The following DQX1 variants were observed in gnomAD, a reference collection of about 807,000 sequenced individuals.
DQX1 encodes the protein DEAQ-box RNA dependent ATPase 1.
A neutral mutation model predicts 81.3 loss-of-function variants in DQX1; 66 were observed. That is an observed-to-expected ratio of 0.81 (90% CI 0.67 to 1.00). The LOEUF is 1.00. DQX1 is among the 50% of genes least tolerant of loss of function. DQX1 has a pLI of 0.00. For missense variants in DQX1, 798 were observed against 867.9 expected, an observed-to-expected ratio of 0.92 and a Z score of 1.01; for synonymous variants, 290 against 350.0, an observed-to-expected ratio of 0.83 and a Z score of 1.91.
In DQX1 at chr2:74,522,633, G is replaced by A. The variant is rs761600823; in HGVS notation, c.1442C>T (p.Ser481Leu). The A allele has an allele frequency of 3.1e-6, 5 of 1,614,226 alleles. No individual in the cohort carries two copies. Among genetic ancestry groups the A allele is most frequent in the Non-Finnish European group, 4.2e-6 (5 of 1,180,032 alleles). Residue 481 changes from serine to leucine, a missense_variant, in exon 8 of 12, where the codon TCA becomes TTA. Coordinates refer to ENST00000404568, the MANE Select transcript of DQX1 (RefSeq NM_133637.3). ...APELAKALLA[S>L]CEFDCVDEML... ...CTCGTCCACACAGTCAAACTCGCATGAGGCCAGCAGGGCTTTGGCCAGCTC... is the reference window on the plus strand; with the variant it reads ...CTCGTCCACACAGTCAAACTCGCATAAGGCCAGCAGGGCTTTGGCCAGCTC...
At chr2:74,522,127 G>A (rs1572984771) in intron 8 of DQX1, among the ~76,000 whole-genome samples, 1 of 152,120 alleles carries the variant, frequency 6.6e-6, no homozygotes, top group South Asian at 2.1e-4. Flanking sequence ...AAGGTGGAGC[G>A]GTCAGCAATC....
intron 4 of DQX1, 111 bp downstream of exon 4, chr2:74,523,812 T>G: frequency 7.1e-7 from 1 of 1,402,084 alleles, no homozygotes; most frequent in Non-Finnish European, 9.4e-7. Context: ...CTACTGTTCC[T>G]AAGAGGCATT....
Position 74,518,567 on chromosome 2 carries a change from T to C in DQX1, c.2033A>G (p.Asn678Ser), listed in dbSNP as rs756397137. Residue 678 changes from asparagine to serine, a missense_variant, in exon 12 of 12, where the codon AAC (asparagine) becomes AGC (serine). Coordinates refer to ENST00000404568, the MANE Select transcript of DQX1 (RefSeq NM_133637.3). ...GTCTCTGCTCTCACTGGGAGGCAAG[T>C]TACTCAGGAAGTATGGAGGGGCCAA... ...VELAPPYFLS[N>S]LPPSESRDLL... 13 of 1,614,058 alleles carry C rather than the reference T, an allele frequency of 8.1e-6. No individual in the cohort carries two copies. The highest frequency in any genetic ancestry group is 1.3e-5 in the African/African-American group (1 of 74,924).
chr2:74,523,969 C>T lies in DQX1; in HGVS notation c.770G>A (p.Arg257Gln), dbSNP rs772429881. 123 of 1,608,548 alleles carry T rather than the reference C, an allele frequency of 7.6e-5. No homozygotes were observed. The highest frequency in any genetic ancestry group is 9.9e-5 in the Non-Finnish European group (116 of 1,175,502). ...TAGCACATCTCCTGGAAGCTCCTTCCGACACAATTCAAGCACTGCTTGGCA... is the reference window on the plus strand; with the variant it reads ...TAGCACATCTCCTGGAAGCTCCTTCTGACACAATTCAAGCACTGCTTGGCA... ...AACQAVLELCRKELPGDVLVF... is the reference protein window; with the variant it reads ...AACQAVLELCQKELPGDVLVF... Residue 257 changes from arginine (R) to glutamine (Q), a missense_variant, in exon 4 of 12, where the codon CGG (arginine) becomes CAG (glutamine). By Grantham distance (43) the Arg-to-Gln change is conservative (BLOSUM62 1). Transcript: ENST00000404568.
rs1572982845 is a variant in DQX1 at position 74,518,613 on chromosome 2, G to A, written c.1998-11C>T. On this transcript the variant is annotated splice_polypyrimidine_tract_variant and intron_variant, in intron 11 of 11. Coordinates refer to ENST00000404568, the MANE Select transcript of DQX1 (RefSeq NM_133637.3). ...GCCAATTCCACCAGCCTAATAGAGA[G>A]AGTCATAATTAGATGATCTGCATCT... 1 of 1,613,412 alleles carries A rather than the reference G, an allele frequency of 6.2e-7. No individual in the cohort carries two copies. The highest frequency in any genetic ancestry group is 8.5e-7 in the Non-Finnish European group (1 of 1,179,472).
In DQX1 at chr2:74,523,232, CCCAA is replaced by C; in HGVS notation, c.1045-18_1045-15del. On this transcript the variant is annotated splice_polypyrimidine_tract_variant and intron_variant, in intron 5 of 11. Transcript: ENST00000404568. ...AGGATTGTAAACCTGTTGCCCGTCC[CCCAA>C]CCAAGGCCAAGACAGATCAGAGTGG... 6.2e-7 allele frequency: 1 copy of C among 1,614,198 alleles called. No individual in the cohort carries two copies. Among genetic ancestry groups the C allele is most frequent in the Non-Finnish European group, 8.5e-7 (1 of 1,180,040 alleles).
rs755981288 is a variant in DQX1 at position 74,522,654 on chromosome 2, A to C, written c.1421T>G (p.Leu474Arg). 37 of 1,614,238 alleles carry C rather than the reference A, an allele frequency of 2.3e-5. No individual in the cohort carries two copies. The highest frequency in any genetic ancestry group is 2.5e-5 in the Non-Finnish European group (30 of 1,180,024). Reference protein sequence around the residue: ...ILSEFPLAPELAKALLASCEF... With the variant: ...ILSEFPLAPERAKALLASCEF... ...GCATGAGGCCAGCAGGGCTTTGGCC[A>C]GCTCAGGGGCCAGAGGGAATTCTGA... Residue 474 changes from leucine (L) to arginine (R), a missense_variant, in exon 8 of 12, where the codon CTG (leucine) becomes CGG (arginine). Transcript: ENST00000404568.
At chr2:74,521,610 A>G (rs1169639462) in intron 8 of DQX1, among the ~76,000 whole-genome samples, 1 of 151,264 alleles carries the variant, frequency 6.6e-6, no homozygotes, top group African/African-American at 2.4e-5. Flanking sequence ...AGATCATGCC[A>G]TTGCACTCCA....
rs779124021 is a variant in DQX1 at position 74,519,991 on chromosome 2, A to G, written c.1539T>C (p.Ala513=). 3.1e-6 allele frequency: 5 copies of G among 1,614,066 alleles called. No individual in the cohort carries two copies. The highest frequency in any genetic ancestry group is 2.7e-5 in the African/African-American group (2 of 74,950). The change falls in exon 9 of 12, where the codon GCT becomes GCC. Residue 513 remains alanine (A), a synonymous_variant. Coordinates refer to ENST00000404568, the MANE Select transcript of DQX1 (RefSeq NM_133637.3). Reference sequence around the variant, plus strand: ...TGTGTTCCAGGGCCCGACGCAGGGCAGCTTCTTCTGCACTGAGTGGAGGAC... The same window carrying G: ...TGTGTTCCAGGGCCCGACGCAGGGCGGCTTCTTCTGCACTGAGTGGAGGAC... ...FTRPPLSAEE[A]ALRRALEHTD... is the part of the protein sequence containing the mutation.
chr2:74,519,318 A>C lies in DQX1; in HGVS notation c.1807-88T>G. On this transcript the variant is annotated intron_variant, in intron 10 of 11. Coordinates refer to ENST00000404568, the MANE Select transcript of DQX1 (RefSeq NM_133637.3). ...AATAAAAGGGGATTGAGAAAGAGTA[A>C]GGGTGATGAGAGCATGAAAAGTAAA... 5.6e-6 allele frequency: 8 copies of C among 1,421,236 alleles called. No individual in the cohort carries two copies. In the Admixed American group the frequency reaches 1.2e-4, roughly 21 times the overall value. 88.0% of individuals were successfully genotyped at this position (1,421,236 alleles called of 1,614,324 possible).
rs773411156 is a variant in DQX1, at chr2:74,526,231, C to T, written c.-115G>A. 63 of 160,664 alleles carry T rather than the reference C, an allele frequency of 3.9e-4. No homozygotes were observed. The highest frequency in any genetic ancestry group is 1.1e-3 in the South Asian group (6 of 5,438). The allele number at this position is 160,664 out of a possible 1,614,324, so 10.0% of individuals were successfully genotyped here. On this transcript the variant is annotated 5_prime_UTR_variant, in exon 1 of 12. Coordinates refer to ENST00000404568, the MANE Select transcript of DQX1 (RefSeq NM_133637.3). The stretch of plus-strand genomic sequence containing the variant: ...CCGTGTGAAGTACAAAGGTAAATTC[C>T]GGCTCTACCTCAGGGATGGGCTCAA...
rs1459892708 is a variant in DQX1 at position 74,524,148 on chromosome 2, G to A, written c.591C>T (p.Asp197=). 1.9e-6 allele frequency: 3 copies of A among 1,614,076 alleles called. No individual in the cohort carries two copies. The highest frequency in any genetic ancestry group is 1.3e-5 in the African/African-American group (1 of 74,922). The change falls in exon 4 of 12, where the codon GAC becomes GAT. Residue 197 remains aspartate, a synonymous_variant. Coordinates refer to ENST00000404568, the MANE Select transcript of DQX1 (RefSeq NM_133637.3). ...QDARLEKLPG[D]LRVVVVTDPA... ...GGTCAGTAACCACAACCACTCTGAG[G>A]TCCCCCGGAAGTTTTTCCAGCCTGG...
Position 74,523,086 on chromosome 2 carries a change from GTTT to G in DQX1, c.1144+30_1144+32del, listed in dbSNP as rs370698471. 3,812 of 1,614,108 alleles carry G rather than the reference GTTT, an allele frequency of 2.4e-3. 35 individuals carry two copies. Among genetic ancestry groups the G allele is most frequent in the African/African-American group, 0.019 (1,396 of 75,002 alleles). ...GGGCTTGCATGTTGGTGACTCTTGG[GTTT>G]TTTATTTCAGTGAGGGCAAAGGCTC... On this transcript the variant is annotated intron_variant, in intron 6 of 11. Coordinates refer to ENST00000404568, the MANE Select transcript of DQX1 (RefSeq NM_133637.3).
intron 3 of DQX1, 51 bp downstream of exon 3, chr2:74,524,958 T>A (rs1347695459): frequency 6.4e-7 from 1 of 1,559,812 alleles, no homozygotes; most frequent in East Asian, 2.3e-5. Context: ...TGGGTTTGTT[T>A]CTACTGAATA....
intron 7 of DQX1, 33 bp from the exon 8 acceptor site, chr2:74,522,804 G>GC (rs751550844): frequency 1.9e-6 from 3 of 1,613,188 alleles, no homozygotes; most frequent in Non-Finnish European, 2.5e-6. Flanking sequence ...AGGATATGAA[G>GC]TTTCAGAACT....
At position 74,525,835 on chromosome 2, in the gene DQX1, C is replaced by A. The variant is rs1572987196; in HGVS notation, c.-19-87G>T. The A allele has an allele frequency of 6.5e-6, 6 of 928,804 alleles. No individual in the cohort carries two copies. Among genetic ancestry groups the A allele is most frequent in the African/African-American group, 1.7e-5 (1 of 60,190 alleles). The allele number at this position is 928,804 out of a possible 1,614,324, so 57.5% of individuals were successfully genotyped here. Reference sequence around the variant, plus strand: ...AGCCCTGATCCTTAACCTCTACCTTCAGTTGATCATGCTCTGGGGCCCACC... The same window carrying A: ...AGCCCTGATCCTTAACCTCTACCTTAAGTTGATCATGCTCTGGGGCCCACC... On this transcript the variant is annotated intron_variant, in intron 1 of 11. Coordinates refer to ENST00000404568, the MANE Select transcript of DQX1 (RefSeq NM_133637.3). The surrounding 1 kb of genome is among the most constrained non-coding windows in gnomAD (Gnocchi z 4.1).
At position 74,525,167 on chromosome 2, in the gene DQX1, T is replaced by A; in HGVS notation, c.273A>T (p.Arg91Ser). The A allele has an allele frequency of 1.2e-6, 2 of 1,605,612 alleles. No homozygotes were observed. Among genetic ancestry groups the A allele is most frequent in the Non-Finnish European group, 8.5e-7 (1 of 1,175,016 alleles). Reference protein sequence around the residue: ...PQWCAEFALARGFQKGQVTVT... With the variant: ...PQWCAEFALASGFQKGQVTVT... ...CAGTAACCTGTCCTTTCTGGAACCC[T>A]CTGGCCAGCGCAAACTCTGCACACC... The change falls in exon 3 of 12, where the codon AGA becomes AGT. Residue 91 changes from arginine (R) to serine (S), a missense_variant. Transcript: ENST00000404568. The surrounding 1 kb of genome is among the most constrained non-coding windows in gnomAD (Gnocchi z 4.1).
In DQX1 at chr2:74,523,501, C is replaced by T; in HGVS notation, c.853G>A (p.Val285Ile). 1 of 1,614,080 alleles carries T rather than the reference C, an allele frequency of 6.2e-7. No individual in the cohort carries two copies. The highest frequency in any genetic ancestry group is 8.5e-7 in the Non-Finnish European group (1 of 1,180,010). ...AGCCCTTGGAGAAGCAAGGACTCTA[C>T]CTCCCTGGACAAGGATTCACAGCAC... ...SLCCESLSRE[V>I]ESLLLQGLPP... is the part of the protein sequence containing the mutation. The change falls in exon 5 of 12, where the codon GTA becomes ATA. Residue 285 changes from valine to isoleucine, a missense_variant. Val to Ile is a conservative substitution (Grantham distance 29). Transcript: ENST00000404568.
rs772336395 is a variant in DQX1 at position 74,519,994 on chromosome 2, T to A, written c.1536A>T (p.Glu512Asp). The stretch of plus-strand genomic sequence containing the variant: ...GTTCCAGGGCCCGACGCAGGGCAGC[T>A]TCTTCTGCACTGAGTGGAGGACGGG... ...GFTRPPLSAEEAALRRALEHT... is the reference protein window; with the variant it reads ...GFTRPPLSAEDAALRRALEHT... Residue 512 changes from glutamate to aspartate, a missense_variant, in exon 9 of 12, where the codon GAA becomes GAT. Glu to Asp is a conservative substitution (Grantham distance 45, BLOSUM62 2). Coordinates refer to ENST00000404568, the MANE Select transcript of DQX1 (RefSeq NM_133637.3). 5 of 1,614,078 alleles carry A rather than the reference T, an allele frequency of 3.1e-6. No individual in the cohort carries two copies. Among genetic ancestry groups the A allele is most frequent in the African/African-American group, 2.7e-5 (2 of 74,946 alleles).
Sources: gnomAD v4.1 joint callset for allele counts (sites outside exome capture counted in the v4.1 genomes callset) on GRCh38, gnomAD v4.1.1 for gene constraint, Gnocchi (gnomAD v3.1) non-coding constraint, MANE v1.5 for transcripts, NCBI Gene and HGNC (gene_info 2026-07-23, HGNC 2026-07-21) for gene names.